ALDH1A1: variants seen among roughly 807,000 people sequenced by gnomAD.
ALDH1A1 encodes the protein aldehyde dehydrogenase 1A1.
In ALDH1A1, 19 loss-of-function variants were observed where a neutral mutation model predicts 62.1. That is an observed-to-expected ratio of 0.31 (90% CI 0.21 to 0.45). ALDH1A1 has a LOEUF of 0.45. Among genes scored for constraint, ALDH1A1 ranks in the 20% least tolerant of loss-of-function variants. ALDH1A1 has a pLI of 1.00. For missense variants in ALDH1A1, 521 were observed against 607.1 expected, an observed-to-expected ratio of 0.86 and a Z score of 1.49; for synonymous variants, 231 against 215.9, an observed-to-expected ratio of 1.07 and a Z score of -0.61.
intron 11 of ALDH1A1, among the ~76,000 whole-genome samples, chr9:72,908,575 GAA>G (rs750075069): frequency 8.9e-6 from 1 of 112,066 alleles, no homozygotes; most frequent in Admixed American, 8.7e-5. Context: ...AAGAAAGAAA[GAA>G]AGAAAGAAAG....
intron 9 of ALDH1A1, among the ~76,000 whole-genome samples, chr9:72,914,765 C>T (rs1830039282): frequency 6.6e-6 from 1 of 151,832 alleles, no homozygotes; most frequent in African/African-American, 2.4e-5. Context: ...ATTGCTCTAA[C>T]CCCCAAATAA....
chr9:72,927,209 A>G, intron 4 of ALDH1A1, 32 bp from the exon 5 acceptor site: 1 of 1,487,672 alleles, frequency 6.7e-7, no homozygotes, highest in Middle Eastern at 1.8e-4. Flanking sequence ...ATCATATATA[A>G]ACAAATGTAT....
intron 6 of ALDH1A1, among the ~76,000 whole-genome samples, chr9:72,924,942 T>C (rs1830185790): frequency 6.6e-6 from 1 of 152,218 alleles, no homozygotes; most frequent in Non-Finnish European, 1.5e-5. Flanking sequence ...CATGTTCTTT[T>C]ACTGTTTTTG....
intron 1 of ALDH1A1, among the ~76,000 whole-genome samples, chr9:72,945,890 G>A (rs553349447): frequency 5.0e-4 from 76 of 151,854 alleles, no homozygotes; most frequent in South Asian, 3.5e-3. Flanking sequence ...ACAGAATGAC[G>A]AAAACAAAAA....
chr9:72,939,496 A>T (rs2118565309), intron 2 of ALDH1A1, among the ~76,000 whole-genome samples: 1 of 152,222 alleles, frequency 6.6e-6, no homozygotes, highest in South Asian at 2.1e-4. Context: ...TTTATCTAGC[A>T]ACATAAAAAG....
At chr9:72,949,662 TGC>T (rs1362428543) in intron 1 of ALDH1A1, among the ~76,000 whole-genome samples, 5 of 135,470 alleles carry the variant, frequency 3.7e-5, no homozygotes, top group Non-Finnish European at 6.4e-5. Flanking sequence ...TGTGTGTGTG[TGC>T]GTGTGTGTGT....
At chr9:72,939,050 TCTTA>T (rs1388093254) in intron 2 of ALDH1A1, among the ~76,000 whole-genome samples, 3 of 152,202 alleles carry the variant, frequency 2.0e-5, no homozygotes, top group East Asian at 1.9e-4. Context: ...GCCAACCCTA[TCTTA>T]CTTTCATAAT....
intron 11 of ALDH1A1, among the ~76,000 whole-genome samples, chr9:72,908,543 GAA>G (rs11349565): frequency 3.9e-4 from 13 of 33,580 alleles, no homozygotes; most frequent in Admixed American, 1.2e-3. Flanking sequence ...AAGAAAGAAA[GAA>G]AAGAAAGAAG....
chr9:72,923,832 G>T lies in ALDH1A1; in HGVS notation c.747+187C>A, dbSNP rs556949683. ...TTACTCTCATTCTGATTTAAAATAG[G>T]TGCATCATGTCATTCAAACTACATC... On this transcript the variant is annotated intron_variant, in intron 7 of 12. Transcript: ENST00000297785. The T allele has an allele frequency of 9.8e-6, 4 of 407,492 alleles. No homozygotes were observed. The Admixed American group carries it at 1.8e-4, about 18-fold the overall frequency. 25.2% of individuals were successfully genotyped at this position (407,492 alleles called of 1,614,324 possible). A position where few individuals can be genotyped will look rare whatever the true frequency, so the allele number is the denominator to read the frequency against.
chr9:72,933,610 A>AAAAT (rs1564637328), intron 2 of ALDH1A1, among the ~76,000 whole-genome samples: 1 of 119,016 alleles, frequency 8.4e-6, no homozygotes, highest in African/African-American at 3.0e-5. Context: ...AAAAAAAAAA[A>AAAAT]AAAGAAAAAG....
intron 2 of ALDH1A1, among the ~76,000 whole-genome samples, chr9:72,932,797 G>A (rs1327599609): frequency 6.6e-6 from 1 of 152,174 alleles, no homozygotes; most frequent in Admixed American, 6.5e-5. Flanking sequence ...GAGATTGTCA[G>A]CATGATCTGT....
chr9:72,906,395 T>C (rs1829879132), intron 11 of ALDH1A1, among the ~76,000 whole-genome samples: 1 of 152,176 alleles, frequency 6.6e-6, no homozygotes, highest in Admixed American at 6.5e-5. Flanking sequence ...ACTGCTTATA[T>C]ATGGATCAGC....
At chr9:72,952,311 T>C (rs1203860907) in intron 1 of ALDH1A1, among the ~76,000 whole-genome samples, 2 of 151,994 alleles carry the variant, frequency 1.3e-5, no homozygotes, top group East Asian at 3.9e-4. Context: ...ATCTAGCTCC[T>C]GCTCTTGTTT....
chr9:72,919,708 A>G (rs572568607), intron 7 of ALDH1A1, among the ~76,000 whole-genome samples: 59 of 152,310 alleles, frequency 3.9e-4, no homozygotes, highest in African/African-American at 1.4e-3. Context: ...TCGTCTCTCT[A>G]TCTCTTTCTT....
chr9:72,939,126 T>C (rs1018287736), intron 2 of ALDH1A1, among the ~76,000 whole-genome samples: 3 of 152,298 alleles, frequency 2.0e-5, no homozygotes, highest in South Asian at 4.1e-4. Context: ...GAACAGCATT[T>C]TAATGTTGAG....
intron 2 of ALDH1A1, among the ~76,000 whole-genome samples, chr9:72,932,224 A>G (rs1371613482): frequency 6.6e-6 from 1 of 152,212 alleles, no homozygotes; most frequent in South Asian, 2.1e-4. Flanking sequence ...TTTGCAGGAG[A>G]CACAATTCCC....
In ALDH1A1 at chr9:72,906,007, C is replaced by T; in HGVS notation, c.1384G>A (p.Ala462Thr). The stretch of plus-strand genomic sequence containing the variant: ...TTGAATCCACCAAAGGGGCACTGGG[C>T]ACTTACCACGCCATAGCAATTCACC... ...VWVNCYGVVS[A>T]QCPFGGFKMS... Residue 462 changes from alanine to threonine, a missense_variant, in exon 12 of 13, where the codon GCC becomes ACC. Transcript: ENST00000297785. 6.2e-7 allele frequency: 1 copy of T among 1,612,282 alleles called. No individual in the cohort carries two copies. The highest frequency in any genetic ancestry group is 2.2e-5 in the East Asian group (1 of 44,792).
rs775903305 is a variant in ALDH1A1 at position 72,927,171 on chromosome 9, T to A, written c.449A>T (p.Asn150Ile). Reference sequence around the variant, plus strand: ...TTCATGTCTTGTATATGTAAAAAAATTTCCATCTGAAAAATAAAACACACA... The same window carrying A: ...TTCATGTCTTGTATATGTAAAAAAAATTCCATCTGAAAAATAAAACACACA... ...IQGRTIPIDG[N>I]FFTYTRHEPI... The change falls in exon 5 of 13, where the codon AAT becomes ATT. Residue 150 changes from asparagine (N) to isoleucine (I), a missense_variant. Coordinates refer to ENST00000297785, the MANE Select transcript of ALDH1A1 (RefSeq NM_000689.5). 1.9e-6 allele frequency: 3 copies of A among 1,601,416 alleles called. No individual in the cohort carries two copies. The highest frequency in any genetic ancestry group is 1.1e-5 in the South Asian group (1 of 89,576).
intron 10 of ALDH1A1, among the ~76,000 whole-genome samples, chr9:72,910,679 A>T (rs1829971107): frequency 1.3e-5 from 2 of 152,146 alleles, no homozygotes; most frequent in African/African-American, 4.8e-5. Context: ...GATTCCTGAA[A>T]TTACCAGAAT....
Sources: allele counts gnomAD v4.1 joint callset (sites outside exome capture counted in the v4.1 genomes callset), GRCh38; gene constraint gnomAD v4.1.1; transcripts MANE v1.5; gene names NCBI Gene and HGNC (gene_info 2026-07-23, HGNC 2026-07-21).